The following TBC1D5 variants were observed in gnomAD, a reference collection of about 807,000 sequenced individuals.
TBC1D5 encodes TBC1 domain family, member 5.
In TBC1D5, 75 loss-of-function variants were observed where a neutral mutation model predicts 100.3. That is an observed-to-expected ratio of 0.75 (90% CI 0.62 to 0.91). The LOEUF is 0.91. TBC1D5 is among the 40% of genes least tolerant of loss of function. The probability of loss-of-function intolerance (pLI) is 0.00; values close to 1 mark genes in which losing one functional copy is unlikely to be tolerated. For synonymous variants in TBC1D5, 323 were observed against 325.6 expected (o/e 0.99, Z 0.09); for missense variants, 910 against 942.4 (o/e 0.97, Z 0.45).
intron 2 of TBC1D5, among the ~76,000 whole-genome samples, chr3:17,549,553 T>C (rs2096454096): frequency 6.6e-6 from 1 of 152,196 alleles, no homozygotes; most frequent in Non-Finnish European, 1.5e-5. Context: ...ATGATTTTTA[T>C]TAAAAGTTGC....
At chr3:17,227,852 GTTT>G in intron 17 of TBC1D5, among the ~76,000 whole-genome samples, 1 of 139,100 alleles carries the variant, frequency 7.2e-6, no homozygotes, top group African/African-American at 2.6e-5. Context: ...TAAAATAAAA[GTTT>G]TTTTTTTTTT....
Position 17,337,294 on chromosome 3 carries a change from C to A in TBC1D5, c.996-29160G>T, listed in dbSNP as rs922776555. ...AGAATTACTGCTCTAAAGGTAGACACCAATTAGTTTAAGGCAAACAGTAGA... is the reference window on the plus strand; with the variant it reads ...AGAATTACTGCTCTAAAGGTAGACAACAATTAGTTTAAGGCAAACAGTAGA... On this transcript the variant is annotated intron_variant, in intron 13 of 21. Transcript: ENST00000253692. The A allele has an allele frequency of 2.0e-5, 3 of 152,044 alleles. No homozygotes were observed. In the East Asian group the frequency reaches 5.8e-4, roughly 29 times the overall value. The allele number at this position is 152,044 out of a possible 1,614,324, so 9.4% of individuals were successfully genotyped here.
At chr3:17,515,077 G>T (rs1242560473) in intron 2 of TBC1D5, among the ~76,000 whole-genome samples, 2 of 151,850 alleles carry the variant, frequency 1.3e-5, no homozygotes, top group African/African-American at 4.8e-5. Context: ...TTTGAAAAGA[G>T]AAAACAGAAA....
chr3:17,217,128 A>T (rs753799722), intron 17 of TBC1D5, among the ~76,000 whole-genome samples: 1 of 152,130 alleles, frequency 6.6e-6, no homozygotes, highest in African/African-American at 2.4e-5. Flanking sequence ...GAGTGATACT[A>T]TATGTGGTCT....
chr3:17,382,369 G>T (rs555586773), intron 9 of TBC1D5, among the ~76,000 whole-genome samples: 10 of 152,018 alleles, frequency 6.6e-5, no homozygotes, highest in African/African-American at 2.4e-4. Flanking sequence ...GTTAAAATAA[G>T]TGTAACATTT....
At chr3:17,665,070 A>AG (rs1400738172) in intron 1 of TBC1D5, 1 of 151,338 alleles carries the variant, frequency 6.6e-6, no homozygotes, top group Admixed American at 6.6e-5. Flanking sequence ...AAAGGAAAAA[A>AG]AAACGGTTAA....
intron 2 of TBC1D5, among the ~76,000 whole-genome samples, chr3:17,563,983 C>G (rs960406238): frequency 2.6e-5 from 4 of 151,934 alleles, no homozygotes; most frequent in Non-Finnish European, 4.4e-5. Context: ...GGGGTTTCAC[C>G]GTGTTAGCCA....
At chr3:17,428,407 G>GTT in intron 4 of TBC1D5, 43 bp downstream of exon 4, 1 of 496,978 alleles carries the variant, frequency 2.0e-6, no homozygotes, top group Non-Finnish European at 3.0e-6. Flanking sequence ...GTGTGTGTGT[G>GTT]TGTGTATATA....
At chr3:17,287,062 G>T (rs1227476426) in intron 15 of TBC1D5, among the ~76,000 whole-genome samples, 3 of 152,140 alleles carry the variant, frequency 2.0e-5, no homozygotes, top group Admixed American at 6.5e-5. Flanking sequence ...GCAAATTAAG[G>T]AACTAGATGC....
intron 3 of TBC1D5, among the ~76,000 whole-genome samples, chr3:17,466,385 A>G (rs1203881156): frequency 1.3e-5 from 2 of 152,246 alleles, no homozygotes; most frequent in Non-Finnish European, 2.9e-5. Flanking sequence ...TAGATGAGTA[A>G]CATAAAGGGT....
intron 3 of TBC1D5, among the ~76,000 whole-genome samples, chr3:17,502,809 A>T (rs892995784): frequency 6.7e-6 from 1 of 149,420 alleles, no homozygotes; most frequent in African/African-American, 2.5e-5. Flanking sequence ...TAACTAGTCA[A>T]CTCAGAAAAC....
chr3:17,584,300 C>T (rs553775527), intron 2 of TBC1D5, among the ~76,000 whole-genome samples: 54 of 152,306 alleles, frequency 3.5e-4, no homozygotes, highest in African/African-American at 1.1e-3. Context: ...GTGTACTCAA[C>T]GCCACGGAAC....
At chr3:17,666,738 T>C (rs1349337982) in intron 1 of TBC1D5, among the ~76,000 whole-genome samples, 1 of 152,114 alleles carries the variant, frequency 6.6e-6, no homozygotes, top group Non-Finnish European at 1.5e-5. Flanking sequence ...CGATCTTATA[T>C]AGGAGTTAAG....
intron 2 of TBC1D5, among the ~76,000 whole-genome samples, chr3:17,594,238 T>C (rs1429920561): frequency 1.3e-5 from 2 of 152,158 alleles, no homozygotes; most frequent in Non-Finnish European, 2.9e-5. Context: ...AGTGTACTAC[T>C]CCACAACAGA....
intron 1 of TBC1D5, among the ~76,000 whole-genome samples, chr3:17,664,443 C>G (rs1319200588): frequency 1.3e-5 from 2 of 152,026 alleles, no homozygotes; most frequent in African/African-American, 4.8e-5. Flanking sequence ...ATCTCGATAC[C>G]AAAGGCCATT....
At chr3:17,651,451 C>G (rs2065550082) in intron 1 of TBC1D5, among the ~76,000 whole-genome samples, 1 of 152,176 alleles carries the variant, frequency 6.6e-6, no homozygotes, top group East Asian at 1.9e-4. Flanking sequence ...GAGATGGTTT[C>G]AGCATCTTCA....
At chr3:17,354,512 G>A (rs1388931905) in intron 13 of TBC1D5, among the ~76,000 whole-genome samples, 1 of 152,054 alleles carries the variant, frequency 6.6e-6, no homozygotes, top group East Asian at 1.9e-4. Flanking sequence ...GTCTCCAGCA[G>A]CTGCTGTTAA....
chr3:17,262,744 G>A lies in TBC1D5; in HGVS notation c.1246-4153C>T, dbSNP rs538757883. ...GATCCACCCATCTCGGCCTCCCAAA[G>A]TGCTGGGATTACAGGCGTGAGCCAC... is the stretch of plus-strand genomic sequence containing the variant. On this transcript the variant is annotated intron_variant, in intron 15 of 21. Coordinates refer to ENST00000253692, the Ensembl canonical transcript of TBC1D5. 5.3e-5 allele frequency among the ~76,000 whole-genome samples: 8 copies of A among 151,998 alleles called. 1 individual carries two copies. The South Asian group carries it at 1.7e-3, about 32-fold the overall frequency.
chr3:17,391,381 TGAC>T (rs1281631122), intron 8 of TBC1D5, among the ~76,000 whole-genome samples: 1 of 152,050 alleles, frequency 6.6e-6, no homozygotes, highest in Non-Finnish European at 1.5e-5. Context: ...AGTAACCACG[TGAC>T]TGCAATCTCA....
Sources: allele counts gnomAD v4.1 joint callset (sites outside exome capture counted in the v4.1 genomes callset), GRCh38; gene constraint gnomAD v4.1.1; transcripts MANE v1.5; gene names NCBI Gene and HGNC (gene_info 2026-07-23, HGNC 2026-07-21).